PEX5: variants seen among roughly 807,000 people sequenced by gnomAD.
PEX5 encodes peroxisomal biogenesis factor 5.
A neutral mutation model predicts 82.9 loss-of-function variants in PEX5; 52 were observed. The ratio of observed to expected loss-of-function variants is 0.63; its 90% CI spans 0.50 to 0.79. The LOEUF (loss-of-function observed/expected upper bound fraction) is 0.79. PEX5 is among the 30% of genes least tolerant of loss of function. The pLI is 0.00. For missense variants in PEX5, 719 were observed against 815.2 expected, an observed-to-expected ratio of 0.88 and a Z score of 1.44; for synonymous variants, 300 against 318.8, an observed-to-expected ratio of 0.94 and a Z score of 0.63.
chr12:7,196,432 C>A (rs867876847), intron 5 of PEX5, among the ~76,000 whole-genome samples: 1 of 131,110 alleles, frequency 7.6e-6, no homozygotes. Context: ...ATTATATGTG[C>A]CATATATAAT....
intron 6 of PEX5, among the ~76,000 whole-genome samples, chr12:7,199,397 GT>G (rs1419273380): frequency 6.7e-6 from 1 of 148,324 alleles, no homozygotes. Context: ...TTAGGGAGTG[GT>G]GATGACTCTT....
At position 7,196,999 on chromosome 12, in the gene PEX5, ATAAT is replaced by A. The variant is rs1434088224; in HGVS notation, c.449-2009_449-2006del. 1.3e-4 allele frequency among the ~76,000 whole-genome samples: 2 copies of A among 15,334 alleles called. 1 individual carries two copies. The highest frequency in any genetic ancestry group is 3.3e-4 in the African/African-American group (2 of 6,048). 10.1% of individuals were successfully genotyped at this position (15,334 alleles called of 152,430 possible). On this transcript the variant is annotated intron_variant, in intron 5 of 15. Coordinates refer to ENST00000675855, the MANE Select transcript of PEX5 (RefSeq NM_001351132.2). ...AATTATATATGTCACATATAATGTA[ATAAT>A]TATATATGTCACATATAATGTAATT...
At position 7,208,659 on chromosome 12, in the gene PEX5, CTCTT is replaced by C; in HGVS notation, c.1385_1388del (p.Leu462ArgfsTer9). The C allele has an allele frequency of 1.2e-6, 2 of 1,613,080 alleles. No homozygotes were observed. The highest frequency in any genetic ancestry group is 1.7e-6 in the Non-Finnish European group (2 of 1,179,232). On this transcript the variant is annotated frameshift_variant, in exon 13 of 16. Coordinates refer to ENST00000675855, the MANE Select transcript of PEX5 (RefSeq NM_001351132.2). LOFTEE classifies it high-confidence loss of function. ...CCCCAGCAAGCGTATCCTGGGATCT[CTCTT>C]GTCTGAGTGAGTATGAGGGGTTCCT...
Position 7,190,940 on chromosome 12 carries a change from C to A in PEX5, c.183+17C>A, listed in dbSNP as rs756392186. ...GAAGATGAGGTAAATAGACCAGTCTCTTTTCTGTCCCATTTTTCTCTTGCC... is the reference window on the plus strand; with the variant it reads ...GAAGATGAGGTAAATAGACCAGTCTATTTTCTGTCCCATTTTTCTCTTGCC... On this transcript the variant is annotated intron_variant, in intron 3 of 15. Transcript: ENST00000675855. 4 of 1,608,600 alleles carry A rather than the reference C, an allele frequency of 2.5e-6. No individual in the cohort carries two copies. Among genetic ancestry groups the A allele is most frequent in the African/African-American group, 1.3e-5 (1 of 74,858 alleles).
Position 7,207,666 on chromosome 12 carries a change from A to T in PEX5, c.974A>T (p.Gln325Leu). The change falls in exon 11 of 16, where the codon CAG becomes CTG. Residue 325 changes from glutamine (Q) to leucine (L), a missense_variant. Transcript: ENST00000675855. ...CACGTGCTTTTCTTGTAGGGGTACC[A>T]GTTTGAGGAGGAGAACCCCTTGCGT... The part of the protein sequence containing the change: ...LTSATYDKGY[Q>L]FEEENPLRDH... The T allele has an allele frequency of 6.2e-7, 1 of 1,614,020 alleles. No individual in the cohort carries two copies. The highest frequency in any genetic ancestry group is 8.5e-7 in the Non-Finnish European group (1 of 1,179,976).
chr12:7,191,907 T>C (rs1368555667), intron 5 of PEX5, among the ~76,000 whole-genome samples: 2 of 152,130 alleles, frequency 1.3e-5, no homozygotes, highest in African/African-American at 2.4e-5. Context: ...GGATAAGAGA[T>C]TTTGGATAGA....
At chr12:7,212,272 A>G (rs1394155332), downstream of PEX5, among the ~76,000 whole-genome samples, 2 of 151,938 alleles carry the variant, frequency 1.3e-5, no homozygotes, top group Non-Finnish European at 2.9e-5. Flanking sequence ...GCCAAAAAAA[A>G]GTCTAACTTT....
At chr12:7,195,592 A>G (rs1266932229) in intron 5 of PEX5, among the ~76,000 whole-genome samples, 1 of 151,590 alleles carries the variant, frequency 6.6e-6, no homozygotes, top group African/African-American at 2.4e-5. Context: ...TAAAAATTCA[A>G]AGGTGCTTTG....
intron 3 of PEX5, 142 bp from the exon 4 acceptor site, chr12:7,191,084 A>G: frequency 8.3e-7 from 1 of 1,200,978 alleles, no homozygotes; most frequent in Non-Finnish European, 1.2e-6. Flanking sequence ...AATCTATGGA[A>G]AGACAGTTTC....
intron 14 of PEX5, 99 bp downstream of exon 14, chr12:7,209,269 C>T: frequency 1.6e-6 from 2 of 1,236,156 alleles, no homozygotes; most frequent in Middle Eastern, 2.6e-4. Flanking sequence ...CCTGTAGTCC[C>T]AGCTACTTGG....
chr12:7,190,336 A>G lies in PEX5; in HGVS notation c.-16-26A>G, dbSNP rs376338486. Reference sequence around the variant, plus strand: ...GAGAAGGGTCTGGCTTGGGTACCTCAGTTCCAAACCTCCTGTGTCCATCAG... The same window carrying G: ...GAGAAGGGTCTGGCTTGGGTACCTCGGTTCCAAACCTCCTGTGTCCATCAG... On this transcript the variant is annotated intron_variant, in intron 1 of 15. Coordinates refer to ENST00000675855, the MANE Select transcript of PEX5 (RefSeq NM_001351132.2). 1.1e-4 allele frequency: 170 copies of G among 1,612,626 alleles called. 2 individuals are homozygous for G. In the African/African-American group the frequency reaches 2.2e-3, roughly 20 times the overall value.
At chr12:7,212,274 T>TCTAA (rs772837525), downstream of PEX5, among the ~76,000 whole-genome samples, 157 of 151,960 alleles carry the variant, frequency 1.0e-3, no homozygotes, top group Middle Eastern at 3.4e-3. Context: ...CAAAAAAAAG[T>TCTAA]CTAACTTTTA....
chr12:7,200,200 A>G (rs1292525632), intron 6 of PEX5, among the ~76,000 whole-genome samples: 1 of 144,536 alleles, frequency 6.9e-6, no homozygotes, highest in African/African-American at 2.6e-5. Flanking sequence ...GACGCTCCTC[A>G]CCTCCCAGAC....
At chr12:7,191,420 G>A in intron 4 of PEX5, 62 bp downstream of exon 4, 11 of 1,609,334 alleles carry the variant, frequency 6.8e-6, no homozygotes, top group Non-Finnish European at 9.4e-6. Flanking sequence ...CAAGGAAGGG[G>A]GTTCCATTGG....
At chr12:7,190,251 C>T (rs1940742075) in intron 1 of PEX5, 111 bp from the exon 2 acceptor site, 3 of 1,589,432 alleles carry the variant, frequency 1.9e-6, no homozygotes, top group East Asian at 4.5e-5. Context: ...GGGTGGAGGG[C>T]GGCCAGTGTG....
Position 7,208,520 on chromosome 12 carries a change from C to T in PEX5, c.1245C>T (p.Asn415=), listed in dbSNP as rs138243167. The T allele has an allele frequency of 5.2e-5, 84 of 1,614,026 alleles. No individual in the cohort carries two copies. Among genetic ancestry groups the T allele is most frequent in the African/African-American group, 1.3e-4 (10 of 74,924 alleles). Reference sequence around the variant, plus strand: ...TGGCGCTGGCTGTGAGCTTCACCAACGAGTCCCTGCAGCGACAGGCCTGTG... The same window carrying T: ...TGGCGCTGGCTGTGAGCTTCACCAATGAGTCCCTGCAGCGACAGGCCTGTG... ...ALMALAVSFT[N]ESLQRQACET... Residue 415 remains asparagine (N), a synonymous_variant, in exon 13 of 16, where the codon AAC becomes AAT. Transcript: ENST00000675855.
intron 10 of PEX5, among the ~76,000 whole-genome samples, chr12:7,205,588 A>C (rs1347212277): frequency 6.6e-6 from 1 of 152,242 alleles, no homozygotes; most frequent in East Asian, 1.9e-4. Flanking sequence ...CGTGTATCAG[A>C]TAAAATTAAT....
At position 7,203,556 on chromosome 12, in the gene PEX5, G is replaced by A. The variant is rs199705127; in HGVS notation, c.966+5G>A. On this transcript the variant is annotated splice_donor_5th_base_variant and intron_variant, in intron 10 of 15. Coordinates refer to ENST00000675855, the MANE Select transcript of PEX5 (RefSeq NM_001351132.2). ...ACGTCAGCTACCTATGATAAGGTGA[G>A]GTAAAAACTCTTAGTTTTTCAGGTT... 41 of 1,612,882 alleles carry A rather than the reference G, an allele frequency of 2.5e-5. No individual in the cohort carries two copies. The highest frequency in any genetic ancestry group is 3.3e-5 in the Non-Finnish European group (39 of 1,179,634).
chr12:7,191,039 C>T, intron 3 of PEX5, 116 bp downstream of exon 3: 6 of 1,188,090 alleles, frequency 5.1e-6, no homozygotes, highest in South Asian at 2.4e-5. Flanking sequence ...ATGAGAATGC[C>T]TGCTTGTTTT....
Sources: gnomAD v4.1 joint callset for allele counts (sites outside exome capture counted in the v4.1 genomes callset) on GRCh38, gnomAD v4.1.1 for gene constraint, MANE v1.5 for transcripts, NCBI Gene and HGNC (gene_info 2026-07-23, HGNC 2026-07-21) for gene names.